The following MARCHF6 variants were observed in gnomAD, a reference collection of about 807,000 sequenced individuals.
The protein encoded by MARCHF6 is membrane associated ring-CH-type finger 6.
MARCHF6 carries 31 observed loss-of-function variants against 133.7 expected under a neutral mutation model. The observed-to-expected ratio is 0.23, with a 90% CI of 0.17 to 0.31. MARCHF6 has a LOEUF of 0.31. Among genes scored for constraint, MARCHF6 ranks in the 10% least tolerant of loss-of-function variants. The pLI is 1.00. For missense variants in MARCHF6, 723 were observed against 1,121.6 expected, an observed-to-expected ratio of 0.64 and a Z score of 5.08; for synonymous variants, 395 against 402.5, an observed-to-expected ratio of 0.98 and a Z score of 0.22.
At position 10,431,265 on chromosome 5, in the gene MARCHF6, A is replaced by G. The variant is rs180918428; in HGVS notation, c.2642+1237A>G. On this transcript the variant is annotated intron_variant, in intron 25 of 25. Transcript: ENST00000274140. ...GGGGTATTTTCAATGATGAAAATCA[A>G]CTTCTTAGCACTCAACTTTTTGGCA... Among the ~76,000 whole-genome samples the G allele has an allele frequency of 2.2e-3, 329 of 152,330 alleles. 1 individual carries two copies. The highest frequency in any genetic ancestry group is 6.0e-3 in the South Asian group (29 of 4,832).
In MARCHF6 at chr5:10,394,151, C is replaced by G. The variant is rs747819377; in HGVS notation, c.828+8C>G. ...GAGCTTACATGGGAAAGAGTAAGAC[C>G]TTTTTCTGTCAAGTATCCTGGTGTT... On this transcript the variant is annotated splice_region_variant and intron_variant, in intron 8 of 25. Coordinates refer to ENST00000274140, the MANE Select transcript of MARCHF6 (RefSeq NM_005885.4). 6.5e-7 allele frequency: 1 copy of G among 1,535,648 alleles called. No homozygotes were observed. The highest frequency in any genetic ancestry group is 8.8e-7 in the Non-Finnish European group (1 of 1,132,828).
intron 1 of MARCHF6, among the ~76,000 whole-genome samples, chr5:10,373,218 T>A (rs548139238): frequency 6.6e-6 from 1 of 152,164 alleles, no homozygotes; most frequent in Non-Finnish European, 1.5e-5. Context: ...AGTTGTTGGG[T>A]TTGCTTAGTA....
rs563807699 is a variant in MARCHF6, at chr5:10,434,493, C to T, written c.*809C>T. On this transcript the variant is annotated 3_prime_UTR_variant, in exon 26 of 26. Coordinates refer to ENST00000274140, the MANE Select transcript of MARCHF6 (RefSeq NM_005885.4). ...ATGAGTCAGCCCCCCCGCCCGCCCCCACCCCACACCCACATCCTCTCTTTT... is the reference window on the plus strand; with the variant it reads ...ATGAGTCAGCCCCCCCGCCCGCCCCTACCCCACACCCACATCCTCTCTTTT... 1.2e-3 allele frequency: 177 copies of T among 149,252 alleles called. No individual in the cohort carries two copies. The highest frequency in any genetic ancestry group is 4.3e-3 in the African/African-American group (172 of 40,280). 9.2% of individuals were successfully genotyped at this position (149,252 alleles called of 1,614,324 possible).
chr5:10,389,346 T>C (rs985755323), intron 5 of MARCHF6, among the ~76,000 whole-genome samples: 1 of 152,214 alleles, frequency 6.6e-6, no homozygotes, highest in Non-Finnish European at 1.5e-5. Flanking sequence ...GTTGAGAAAC[T>C]AATACACTTT....
rs115915479 is a variant in MARCHF6 at position 10,434,445 on chromosome 5, A to T, written c.*761A>T. The stretch of plus-strand genomic sequence containing the variant: ...GTGGGGCATGTCTATACTTAGAGAA[A>T]AAAAGTCCAAATGAAGATTTTCATG... On this transcript the variant is annotated 3_prime_UTR_variant, in exon 26 of 26. Transcript: ENST00000274140. 1 of 152,342 alleles carries T rather than the reference A, an allele frequency of 6.6e-6. No individual in the cohort carries two copies. Among genetic ancestry groups the T allele is most frequent in the Non-Finnish European group, 1.5e-5 (1 of 68,048 alleles). 9.4% of individuals were successfully genotyped at this position (152,342 alleles called of 1,614,324 possible).
intron 19 of MARCHF6, among the ~76,000 whole-genome samples, chr5:10,411,791 CATT>C (rs1739245937): frequency 6.6e-6 from 1 of 152,228 alleles, no homozygotes; most frequent in South Asian, 2.1e-4. Flanking sequence ...AAGAAACTAA[CATT>C]ATTGATACAT....
At chr5:10,368,375 A>G (rs964502433) in intron 1 of MARCHF6, among the ~76,000 whole-genome samples, 64 of 152,270 alleles carry the variant, frequency 4.2e-4, no homozygotes, top group Non-Finnish European at 4.7e-4. Context: ...GCTCACACCT[A>G]TAATACTGGC....
At chr5:10,424,987 T>TA (rs1740007609) in intron 23 of MARCHF6, among the ~76,000 whole-genome samples, 1 of 152,246 alleles carries the variant, frequency 6.6e-6, no homozygotes, top group African/African-American at 2.4e-5. Context: ...GCTGCTACTT[T>TA]ACGCTTTAGC....
At chr5:10,372,241 G>A (rs1736514606) in intron 1 of MARCHF6, among the ~76,000 whole-genome samples, 1 of 151,882 alleles carries the variant, frequency 6.6e-6, no homozygotes, top group South Asian at 2.1e-4. Flanking sequence ...AGACCCAATT[G>A]AGGGGGGAGA....
intron 5 of MARCHF6, among the ~76,000 whole-genome samples, chr5:10,389,113 G>T (rs896414899): frequency 6.6e-6 from 1 of 152,070 alleles, no homozygotes; most frequent in African/African-American, 2.4e-5. Flanking sequence ...GTTTTCTATG[G>T]AGGAAAAAAG....
intron 1 of MARCHF6, among the ~76,000 whole-genome samples, chr5:10,375,654 C>T (rs1736732756): frequency 6.6e-6 from 1 of 152,272 alleles, no homozygotes; most frequent in Non-Finnish European, 1.5e-5. Context: ...GTCTTTATGT[C>T]TAGCTCAGGG....
intron 4 of MARCHF6, among the ~76,000 whole-genome samples, chr5:10,383,977 ATAAC>A (rs1206606500): frequency 6.6e-6 from 1 of 152,226 alleles, no homozygotes; most frequent in Non-Finnish European, 1.5e-5. Context: ...GACTAGACTT[ATAAC>A]TACCCAGAAC....
rs1167593150 is a variant in MARCHF6, at chr5:10,415,584, C to T, written c.2063C>T (p.Thr688Ile). The T allele has an allele frequency of 6.2e-7, 1 of 1,614,094 alleles. No individual in the cohort carries two copies. Among genetic ancestry groups the T allele is most frequent in the South Asian group, 1.1e-5 (1 of 91,080 alleles). ...TGTGGTCTCTATGTTTGCTGGCTAACCATAAGGGCTGTGACGGTGATGGTG... is the reference window on the plus strand; with the variant it reads ...TGTGGTCTCTATGTTTGCTGGCTAATCATAAGGGCTGTGACGGTGATGGTG... The part of the protein sequence containing the change: ...AACGLYVCWL[T>I]IRAVTVMVAW... The change falls in exon 21 of 26, where the codon ACC becomes ATC. Residue 688 changes from threonine (T) to isoleucine (I), a missense_variant. Physicochemically the swap from Thr to Ile is moderately conservative, Grantham distance 89. Around this residue, in one of 4 missense-constraint regions of MARCHF6, gnomAD observed 492 missense variants for 699.5 expected, o/e 0.70. Transcript: ENST00000274140.
chr5:10,360,155 T>TG (rs1489840252), intron 1 of MARCHF6, among the ~76,000 whole-genome samples: 1 of 146,024 alleles, frequency 6.8e-6, no homozygotes, highest in Non-Finnish European at 1.5e-5. Context: ...TTTTTTTTTT[T>TG]TTTTTTTTTT....
chr5:10,354,800 G>A (rs1028672855), intron 1 of MARCHF6: 17 of 152,084 alleles, frequency 1.1e-4, no homozygotes, highest in African/African-American at 4.1e-4. Flanking sequence ...GTATATTTAT[G>A]GGGGTATGAG....
chr5:10,377,989 T>G (rs1022599299), intron 2 of MARCHF6, 95 bp downstream of exon 2: 8 of 698,608 alleles, frequency 1.1e-5, no homozygotes, highest in Non-Finnish European at 1.5e-5. Flanking sequence ...TCTCTGTAAT[T>G]ATTTTTAAAA....
intron 22 of MARCHF6, chr5:10,422,115 G>A (rs983522623): frequency 6.6e-6 from 1 of 152,218 alleles, no homozygotes; most frequent in Non-Finnish European, 1.5e-5. Context: ...TTGTGGAGCT[G>A]TATGACATAG....
chr5:10,360,150 T>TG (rs1291752837), intron 1 of MARCHF6, among the ~76,000 whole-genome samples: 3 of 144,752 alleles, frequency 2.1e-5, no homozygotes, highest in Non-Finnish European at 4.6e-5. Flanking sequence ...GTGTGTTTTT[T>TG]TTTTTTTTTT....
chr5:10,386,383 C>T (rs1370329013), intron 4 of MARCHF6, among the ~76,000 whole-genome samples: 3 of 152,234 alleles, frequency 2.0e-5, no homozygotes, highest in Non-Finnish European at 4.4e-5. Flanking sequence ...CTCATTCTGT[C>T]TAGAATTCTG....
Sources: allele counts gnomAD v4.1 joint callset (sites outside exome capture counted in the v4.1 genomes callset), GRCh38; gene constraint gnomAD v4.1.1; regional missense constraint gnomAD v4.1.1; transcripts MANE v1.5; gene names NCBI Gene and HGNC (gene_info 2026-07-23, HGNC 2026-07-21).